Variants in VSTM4 observed in about 807,000 individuals in gnomAD.
VSTM4 encodes V-set and transmembrane domain-containing protein 4.
Under a neutral mutation model 36.4 loss-of-function variants are expected in VSTM4, and 20 were observed. That is an observed-to-expected ratio of 0.55 (90% confidence interval 0.39 to 0.80). The LOEUF (loss-of-function observed/expected upper bound fraction) is 0.80, where lower values mean the gene tolerates loss of function less well. Ranked by LOEUF, VSTM4 falls within the 30% of genes least tolerant of loss-of-function variation. VSTM4 has a pLI of 0.00. For missense variants in VSTM4, 392 were observed against 404.5 expected, an observed-to-expected ratio of 0.97 and a Z score of 0.26; for synonymous variants, 182 against 173.9, an observed-to-expected ratio of 1.05 and a Z score of -0.37.
rs926573658 is a variant in VSTM4, at chr10:49,016,044, C to A, written c.*3606G>T. 6.6e-6 allele frequency: 1 copy of A among 152,326 alleles called. No homozygotes were observed. The highest frequency in any genetic ancestry group is 2.4e-5 in the African/African-American group (1 of 41,474). 9.4% of individuals were successfully genotyped at this position (152,326 alleles called of 1,614,324 possible). A position where few individuals can be genotyped will look rare whatever the true frequency, so the allele number is the denominator to read the frequency against. ...CACTCGGGCAGCAGGACACACGGTG[C>A]AGCAGGAGCTCAGGGGCTGCAATGC... On this transcript the variant is annotated 3_prime_UTR_variant, in exon 8 of 8. Coordinates refer to ENST00000332853, the MANE Select transcript of VSTM4 (RefSeq NM_001031746.5).
rs181643438 is a variant in VSTM4, at chr10:49,026,557, A to G, written c.838-6782T>C. Among the ~76,000 whole-genome samples, 121 of 152,370 alleles carry G rather than the reference A, an allele frequency of 7.9e-4. 1 individual carries two copies. The highest frequency in any genetic ancestry group is 2.7e-3 in the African/African-American group (114 of 41,586). On this transcript the variant is annotated intron_variant, in intron 7 of 7. Transcript: ENST00000332853. ...TTGGGAAGTCACACTCCCAGGGCTA[A>G]GCAGAAGTGACCAGATGTTGGGAGG...
At chr10:49,101,790 C>A (rs1488642303) in intron 2 of VSTM4, among the ~76,000 whole-genome samples, 1 of 152,206 alleles carries the variant, frequency 6.6e-6, no homozygotes, top group Admixed American at 6.5e-5. Context: ...AAGGATTTCA[C>A]TGAAGCACTG....
chr10:49,078,930 C>T (rs981233661), intron 3 of VSTM4, among the ~76,000 whole-genome samples: 1 of 152,100 alleles, frequency 6.6e-6, no homozygotes, highest in African/African-American at 2.4e-5. Context: ...CTCTCAGGTT[C>T]AAGCATTTCT....
chr10:49,059,817 A>T (rs980339727), intron 5 of VSTM4, among the ~76,000 whole-genome samples: 10 of 152,240 alleles, frequency 6.6e-5, no homozygotes, highest in African/African-American at 9.6e-5. Context: ...ATACAGTTTT[A>T]AAACATTTCT....
intron 5 of VSTM4, among the ~76,000 whole-genome samples, chr10:49,051,383 C>A (rs1295474947): frequency 6.8e-6 from 1 of 147,950 alleles, no homozygotes; most frequent in Non-Finnish European, 1.5e-5. Flanking sequence ...GGCTTGACAG[C>A]TCATTTCTTT....
intron 5 of VSTM4, among the ~76,000 whole-genome samples, chr10:49,052,079 G>A (rs1843707110): frequency 6.6e-6 from 1 of 152,086 alleles, no homozygotes; most frequent in African/African-American, 2.4e-5. Context: ...AAATGTATTT[G>A]TGCATAATGG....
intron 3 of VSTM4, among the ~76,000 whole-genome samples, chr10:49,083,253 G>A (rs1390478810): frequency 1.3e-5 from 2 of 152,224 alleles, no homozygotes; most frequent in Non-Finnish European, 2.9e-5. Flanking sequence ...ATACCTGAGT[G>A]ATAGCCCCAA....
intron 7 of VSTM4, among the ~76,000 whole-genome samples, chr10:49,022,934 G>A (rs1045381576): frequency 2.6e-5 from 4 of 152,150 alleles, no homozygotes; most frequent in Non-Finnish European, 5.9e-5. Flanking sequence ...AGGCTGGCTT[G>A]GCTGATGTGT....
At chr10:49,074,257 T>C (rs1844134093) in intron 4 of VSTM4, among the ~76,000 whole-genome samples, 1 of 152,220 alleles carries the variant, frequency 6.6e-6, no homozygotes, top group South Asian at 2.1e-4. Context: ...ATTAAGTTGA[T>C]TTGAGGGGGT....
chr10:49,062,517 G>C (rs1477578146), intron 5 of VSTM4, among the ~76,000 whole-genome samples: 1 of 152,192 alleles, frequency 6.6e-6, no homozygotes, highest in East Asian at 1.9e-4. Flanking sequence ...CATGGATTCA[G>C]AGCAGAAATG....
intron 4 of VSTM4, among the ~76,000 whole-genome samples, chr10:49,065,259 C>G (rs546769003): frequency 2.3e-4 from 35 of 152,274 alleles, no homozygotes; most frequent in African/African-American, 7.9e-4. Context: ...GTAAGAATAC[C>G]TAGGCACATA....
chr10:49,073,607 C>T (rs1844121443), intron 4 of VSTM4, among the ~76,000 whole-genome samples: 1 of 152,198 alleles, frequency 6.6e-6, no homozygotes, highest in African/African-American at 2.4e-5. Flanking sequence ...CAGCTCAAAG[C>T]CCATGGTTTC....
intron 7 of VSTM4, among the ~76,000 whole-genome samples, chr10:49,035,283 C>T (rs182547284): frequency 6.6e-6 from 1 of 152,156 alleles, no homozygotes; most frequent in Non-Finnish European, 1.5e-5. Flanking sequence ...TGCCTATCAG[C>T]GCTCAACAAT....
At chr10:49,052,773 C>T (rs1843718209) in intron 5 of VSTM4, among the ~76,000 whole-genome samples, 1 of 152,078 alleles carries the variant, frequency 6.6e-6, no homozygotes, top group African/African-American at 2.4e-5. Flanking sequence ...ATGGAAGTTT[C>T]TGGAACATCA....
chr10:49,098,907 G>A (rs1054676229), intron 2 of VSTM4, among the ~76,000 whole-genome samples: 2 of 152,246 alleles, frequency 1.3e-5, no homozygotes, highest in Non-Finnish European at 2.9e-5. Flanking sequence ...CACACTGAGT[G>A]AAGGGATAAA....
At chr10:49,100,290 T>C (rs1408209760) in intron 2 of VSTM4, among the ~76,000 whole-genome samples, 1 of 151,816 alleles carries the variant, frequency 6.6e-6, no homozygotes, top group Admixed American at 6.6e-5. Flanking sequence ...CAGGTAGTAC[T>C]GGCCAATGCA....
At chr10:49,079,175 T>C (rs1159759604) in intron 3 of VSTM4, among the ~76,000 whole-genome samples, 1 of 152,042 alleles carries the variant, frequency 6.6e-6, no homozygotes, top group Non-Finnish European at 1.5e-5. Context: ...TAAAAAGTTG[T>C]CTAAGTTGAA....
chr10:49,092,265 T>A (rs1250179604), intron 2 of VSTM4, among the ~76,000 whole-genome samples: 1 of 152,060 alleles, frequency 6.6e-6, no homozygotes, highest in African/African-American at 2.4e-5. Context: ...GAAGAGGGAG[T>A]TCACCTCTCA....
chr10:49,017,204 A>G lies in VSTM4; in HGVS notation c.*2446T>C, dbSNP rs1311369572. On this transcript the variant is annotated 3_prime_UTR_variant, in exon 8 of 8. Coordinates refer to ENST00000332853, the MANE Select transcript of VSTM4 (RefSeq NM_001031746.5). The stretch of plus-strand genomic sequence containing the variant: ...ATGAATGAGTGGGCACATTTTTTTA[A>G]GCTTACTATGGCAATAATGTCAATA... 1 of 152,226 alleles carries G rather than the reference A, an allele frequency of 6.6e-6. No individual in the cohort carries two copies. The highest frequency in any genetic ancestry group is 1.5e-5 in the Non-Finnish European group (1 of 68,038). The allele number at this position is 152,226 out of a possible 1,614,324, so 9.4% of individuals were successfully genotyped here. A position where few individuals can be genotyped will look rare whatever the true frequency, so the allele number is the denominator to read the frequency against.
Sources: gnomAD v4.1 joint callset for allele counts (sites outside exome capture counted in the v4.1 genomes callset) on GRCh38, gnomAD v4.1.1 for gene constraint, MANE v1.5 for transcripts, NCBI Gene and HGNC (gene_info 2026-07-23, HGNC 2026-07-21) for gene names.